SNTG1: variants seen among roughly 807,000 people sequenced by gnomAD.
The protein encoded by SNTG1 is syntrophin gamma 1, also known as gamma-1-syntrophin.
In SNTG1, 39 loss-of-function variants were observed where a neutral mutation model predicts 74.7. The ratio of observed to expected loss-of-function variants is 0.52; its 90% CI spans 0.40 to 0.68. The LOEUF is 0.68. SNTG1 is among the 30% of genes least tolerant of loss of function. The pLI is 0.00. For missense variants in SNTG1, 685 were observed against 609.5 expected, an observed-to-expected ratio of 1.12 and a Z score of -1.30; for synonymous variants, 254 against 217.1, an observed-to-expected ratio of 1.17 and a Z score of -1.49.
At chr8:50,153,573 G>A (rs191216935) in intron 1 of SNTG1, among the ~76,000 whole-genome samples, 1 of 151,666 alleles carries the variant, frequency 6.6e-6, no homozygotes, top group Non-Finnish European at 1.5e-5. Flanking sequence ...TGTACAGATG[G>A]GGGTTTTGGT....
At chr8:50,658,226 G>C (rs920968204) in intron 14 of SNTG1, among the ~76,000 whole-genome samples, 1 of 150,986 alleles carries the variant, frequency 6.6e-6, no homozygotes, top group Non-Finnish European at 1.5e-5. Flanking sequence ...CTGTGTTGAG[G>C]TCTGGTATTC....
rs1406929304 is a variant in SNTG1, at chr8:50,164,132, TGGGC to T, written c.-102-8428_-102-8425del. 99 of 139,042 alleles carry T rather than the reference TGGGC, an allele frequency of 7.1e-4. 1 individual carries two copies. The highest frequency in any genetic ancestry group is 7.0e-4 in the South Asian group (3 of 4,312). 8.6% of individuals were successfully genotyped at this position (139,042 alleles called of 1,614,324 possible). A position where few individuals can be genotyped will look rare whatever the true frequency, so the allele number is the denominator to read the frequency against. On this transcript the variant is annotated intron_variant, in intron 1 of 18. Coordinates refer to ENST00000642720, the MANE Select transcript of SNTG1 (RefSeq NM_018967.5). ...TTTTTTTTTTTGCTATCTATCATCATGGGCTTGCTGAATATGCTTAAACTATGGT... is the reference window on the plus strand; with the variant it reads ...TTTTTTTTTTTGCTATCTATCATCATTTGCTGAATATGCTTAAACTATGGT...
chr8:50,650,275 G>T (rs6473267), intron 13 of SNTG1, among the ~76,000 whole-genome samples: 32,634 of 151,708 alleles, frequency 0.22, 3,929 homozygotes, highest in African/African-American at 0.31. Context: ...ATTTGGTTCA[G>T]ATTGTGAATT....
At chr8:50,052,801 C>T (rs972941712) in intron 1 of SNTG1, among the ~76,000 whole-genome samples, 2 of 152,050 alleles carry the variant, frequency 1.3e-5, no homozygotes, top group African/African-American at 4.8e-5. Context: ...GCACCATATG[C>T]AAATGAAAGT....
chr8:50,275,624 C>T (rs2088051948), intron 2 of SNTG1, among the ~76,000 whole-genome samples: 1 of 152,138 alleles, frequency 6.6e-6, no homozygotes, highest in Admixed American at 6.5e-5. Context: ...AATTGCGGTG[C>T]TGGAGGTAGA....
chr8:50,779,035 G>A (rs2095650096), intron 18 of SNTG1, among the ~76,000 whole-genome samples: 1 of 152,112 alleles, frequency 6.6e-6, no homozygotes, highest in African/African-American at 2.4e-5. Flanking sequence ...TTATTTCTGA[G>A]GGCTCTGTTG....
chr8:50,553,125 C>T lies in SNTG1; in HGVS notation c.756C>T (p.Cys252=), dbSNP rs1236973042. The part of the protein sequence containing the change: ...GIIQCLSAED[C]VDWLQAIATN... The stretch of plus-strand genomic sequence containing the variant: ...TTCAGTGCCTCTCTGCTGAAGACTG[C>T]GTTGACTGGCTACAAGCAATAGCAA... Residue 252 remains cysteine, a synonymous_variant, in exon 12 of 19, where the codon TGC becomes TGT. Coordinates refer to ENST00000642720, the MANE Select transcript of SNTG1 (RefSeq NM_018967.5). The T allele has an allele frequency of 8.7e-6, 14 of 1,613,898 alleles. No homozygotes were observed. Among genetic ancestry groups the T allele is most frequent in the South Asian group, 2.2e-5 (2 of 91,082 alleles).
chr8:50,503,522 G>C (rs2093981467), intron 9 of SNTG1, among the ~76,000 whole-genome samples: 2 of 152,210 alleles, frequency 1.3e-5, no homozygotes, highest in South Asian at 2.1e-4. Flanking sequence ...TCATAAAACT[G>C]TTCCCAGTAA....
chr8:50,270,165 A>G (rs921349735), intron 2 of SNTG1, among the ~76,000 whole-genome samples: 1 of 152,162 alleles, frequency 6.6e-6, no homozygotes, highest in African/African-American at 2.4e-5. Flanking sequence ...GAGCTATAAT[A>G]TATGATGACA....
At chr8:50,067,020 G>GTTCTT (rs763834080) in intron 1 of SNTG1, among the ~76,000 whole-genome samples, 1 of 152,146 alleles carries the variant, frequency 6.6e-6, no homozygotes, top group African/African-American at 2.4e-5. Flanking sequence ...TCTTTCGTCA[G>GTTCTT]TTCTTTTCTT....
chr8:50,141,653 A>G (rs997264267), intron 1 of SNTG1, among the ~76,000 whole-genome samples: 1 of 152,174 alleles, frequency 6.6e-6, no homozygotes, highest in Non-Finnish European at 1.5e-5. Flanking sequence ...AGCAATGACA[A>G]CAACAAAATG....
At chr8:50,233,876 A>T (rs1289824058) in intron 2 of SNTG1, among the ~76,000 whole-genome samples, 4 of 151,942 alleles carry the variant, frequency 2.6e-5, no homozygotes, top group Non-Finnish European at 5.9e-5. Context: ...GGAGAGCTAA[A>T]GTAAAAGTTA....
At chr8:50,711,672 G>A (rs188010399) in intron 17 of SNTG1, among the ~76,000 whole-genome samples, 58 of 152,252 alleles carry the variant, frequency 3.8e-4, no homozygotes, top group Admixed American at 3.8e-3. Flanking sequence ...ACCTGTGCTT[G>A]GAAGTTCCCA....
intron 15 of SNTG1, among the ~76,000 whole-genome samples, chr8:50,686,840 A>G (rs2095354278): frequency 6.6e-6 from 1 of 152,180 alleles, no homozygotes; most frequent in African/African-American, 2.4e-5. Flanking sequence ...GACCTGCACA[A>G]AATAAACATG....
chr8:50,102,947 G>T lies in SNTG1; in HGVS notation c.-102-69614G>T, dbSNP rs916610715. 4.8e-3 allele frequency among the ~76,000 whole-genome samples: 725 copies of T among 151,294 alleles called. 6 individuals carry two copies. Among genetic ancestry groups the T allele is most frequent in the African/African-American group, 0.015 (606 of 41,086 alleles). On this transcript the variant is annotated intron_variant, in intron 1 of 18. Transcript: ENST00000642720. ...TTTGTTTTGGTACCAGTACCATGCT[G>T]TTTTGGTTACTGTAGCCTTGTAGTA...
intron 8 of SNTG1, among the ~76,000 whole-genome samples, chr8:50,492,439 G>C (rs963107573): frequency 6.6e-6 from 1 of 152,170 alleles, no homozygotes; most frequent in Admixed American, 6.5e-5. Context: ...TATTCTAACC[G>C]GTGTGAGATG....
chr8:50,612,441 ACATTT>A (rs2094857317), intron 13 of SNTG1, among the ~76,000 whole-genome samples: 1 of 152,220 alleles, frequency 6.6e-6, no homozygotes, highest in African/African-American at 2.4e-5. Flanking sequence ...ATAATACATT[ACATTT>A]CAAGTAAAAG....
At chr8:50,737,153 G>C (rs1281157122) in intron 17 of SNTG1, among the ~76,000 whole-genome samples, 1 of 151,754 alleles carries the variant, frequency 6.6e-6, no homozygotes. Flanking sequence ...TAACAAAATA[G>C]ACCACTAGCC....
chr8:50,030,745 G>A (rs1817674739), intron 1 of SNTG1, among the ~76,000 whole-genome samples: 1 of 151,798 alleles, frequency 6.6e-6, no homozygotes, highest in Non-Finnish European at 1.5e-5. Flanking sequence ...CCTGATTAGT[G>A]CATAATATTT....
Sources: allele counts gnomAD v4.1 joint callset (sites outside exome capture counted in the v4.1 genomes callset), GRCh38; gene constraint gnomAD v4.1.1; transcripts MANE v1.5; gene names NCBI Gene and HGNC (gene_info 2026-07-23, HGNC 2026-07-21).